The following MTUS2 variants were observed in gnomAD, a reference collection of about 807,000 sequenced individuals.
MTUS2 encodes the protein microtubule associated scaffold protein 2, also known as microtubule-associated tumor suppressor candidate 2.
Under a neutral mutation model 114.1 loss-of-function variants are expected in MTUS2, and 40 were observed. The observed-to-expected ratio is 0.35, with a 90% CI of 0.27 to 0.46. The LOEUF (loss-of-function observed/expected upper bound fraction) is 0.46, where lower values mean the gene tolerates loss of function less well. Ranked by LOEUF, MTUS2 falls within the 20% of genes least tolerant of loss-of-function variation. MTUS2 has a pLI of 1.00. For missense variants in MTUS2, 1,679 were observed against 1,705.4 expected, an observed-to-expected ratio of 0.98 and a Z score of 0.27; for synonymous variants, 688 against 672.0, an observed-to-expected ratio of 1.02 and a Z score of -0.37.
intron 5 of MTUS2, among the ~76,000 whole-genome samples, chr13:29,264,664 C>G (rs2139477571): frequency 6.6e-6 from 1 of 152,362 alleles, no homozygotes; most frequent in Non-Finnish European, 1.5e-5. Context: ...TGGAACCTGC[C>G]AAGGCTTACA....
chr13:28,873,626 A>G (rs919904269), intron 2 of MTUS2, among the ~76,000 whole-genome samples: 1 of 152,210 alleles, frequency 6.6e-6, no homozygotes, highest in Non-Finnish European at 1.5e-5. Flanking sequence ...ACAATAATGC[A>G]ATACAAATGG....
intron 1 of MTUS2, among the ~76,000 whole-genome samples, chr13:28,832,009 C>T (rs746878712): frequency 6.6e-6 from 1 of 151,994 alleles, no homozygotes; most frequent in Non-Finnish European, 1.5e-5. Context: ...GGTGATCTGC[C>T]TGCCTCAGCC....
chr13:28,961,402 T>A (rs1883321973), intron 2 of MTUS2, among the ~76,000 whole-genome samples: 1 of 152,152 alleles, frequency 6.6e-6, no homozygotes, highest in Non-Finnish European at 1.5e-5. Flanking sequence ...ACACCTTATC[T>A]ATAGAGGAAA....
Position 28,965,878 on chromosome 13 carries a change from CT to C in MTUS2, c.-242-58578del, listed in dbSNP as rs370925891. ...GAGCATAATCAGCTTTTCTCAAACTCTACTGATTTGAATGTTAATCACATCT... is the reference window on the plus strand; with the variant it reads ...GAGCATAATCAGCTTTTCTCAAACTCACTGATTTGAATGTTAATCACATCT... On this transcript the variant is annotated intron_variant, in intron 2 of 15. Coordinates refer to ENST00000612955, the MANE Select transcript of MTUS2 (RefSeq NM_001033602.4). Among the ~76,000 whole-genome samples, 554 of 152,264 alleles carry C rather than the reference CT, an allele frequency of 3.6e-3. 2 individuals carry two copies. The highest frequency in any genetic ancestry group is 0.013 in the African/African-American group (533 of 41,546).
At chr13:29,047,512 CTT>C (rs11367692) in intron 4 of MTUS2, among the ~76,000 whole-genome samples, 65 of 135,742 alleles carry the variant, frequency 4.8e-4, no homozygotes, top group Middle Eastern at 3.9e-3. Flanking sequence ...AAAATTTACT[CTT>C]TTTTTTTTTT....
intron 2 of MTUS2, among the ~76,000 whole-genome samples, chr13:28,902,292 T>C (rs534407072): frequency 6.6e-6 from 1 of 152,284 alleles, no homozygotes; most frequent in South Asian, 2.1e-4. Context: ...ATTTTTTGCT[T>C]TCTAATCCAA....
At chr13:29,321,468 T>C (rs1468884500) in intron 6 of MTUS2, among the ~76,000 whole-genome samples, 1 of 152,208 alleles carries the variant, frequency 6.6e-6, no homozygotes, top group Non-Finnish European at 1.5e-5. Flanking sequence ...ATCTCTGTAA[T>C]TATCTGTGCT....
chr13:29,080,105 ATAC>A lies in MTUS2; in HGVS notation c.2447-20666_2447-20664del, dbSNP rs1393331309. ...ATATAGTTTTCAGAGTAAAAGATTT[ATAC>A]TTCTTTTGTTAAATTTATACCTGTT... On this transcript the variant is annotated intron_variant, in intron 4 of 15. Transcript: ENST00000612955. 1.2e-4 allele frequency among the ~76,000 whole-genome samples: 19 copies of A among 152,300 alleles called. No individual in the cohort carries two copies. The South Asian group carries it at 3.7e-3, about 30-fold the overall frequency.
At chr13:29,057,960 C>G (rs1404052364) in intron 4 of MTUS2, among the ~76,000 whole-genome samples, 1 of 151,940 alleles carries the variant, frequency 6.6e-6, no homozygotes, top group African/African-American at 2.4e-5. Context: ...ATGTAGCACT[C>G]CCTTAAGGAC....
intron 5 of MTUS2, among the ~76,000 whole-genome samples, chr13:29,214,325 T>C (rs1895588923): frequency 6.6e-6 from 1 of 152,216 alleles, no homozygotes; most frequent in Non-Finnish European, 1.5e-5. Flanking sequence ...TGCCCCAGTC[T>C]CTGTCTTTTA....
intron 8 of MTUS2, among the ~76,000 whole-genome samples, chr13:29,382,837 A>G (rs1872319112): frequency 6.6e-6 from 1 of 152,190 alleles, no homozygotes; most frequent in Non-Finnish European, 1.5e-5. Flanking sequence ...GTGTGTGATT[A>G]ATTACCAAAG....
chr13:29,227,352 G>T (rs993476878), intron 5 of MTUS2, among the ~76,000 whole-genome samples: 1 of 151,636 alleles, frequency 6.6e-6, no homozygotes, highest in African/African-American at 2.4e-5. Context: ...AGAGAGGTTT[G>T]CCCCTCTTTG....
At chr13:29,094,316 A>T (rs952311110) in intron 4 of MTUS2, among the ~76,000 whole-genome samples, 22 of 148,476 alleles carry the variant, frequency 1.5e-4, no homozygotes, top group Admixed American at 1.0e-3. Flanking sequence ...CACTAATGAC[A>T]TCTGTGCCTG....
At chr13:29,444,830 A>G (rs1878159387) in intron 9 of MTUS2, among the ~76,000 whole-genome samples, 1 of 152,248 alleles carries the variant, frequency 6.6e-6, no homozygotes, top group Non-Finnish European at 1.5e-5. Flanking sequence ...TTTGGAAATT[A>G]TACAGAGGCT....
chr13:29,414,577 C>G (rs1328649062), intron 8 of MTUS2, among the ~76,000 whole-genome samples: 3 of 150,006 alleles, frequency 2.0e-5, no homozygotes, highest in African/African-American at 7.3e-5. Flanking sequence ...GAAATTTGCT[C>G]TATTTAAACT....
chr13:29,080,485 T>A (rs2475525), intron 4 of MTUS2, among the ~76,000 whole-genome samples: 5 of 152,016 alleles, frequency 3.3e-5, no homozygotes, highest in South Asian at 4.2e-4. Flanking sequence ...CACAATAGGC[T>A]GTCTGCAAGC....
chr13:29,203,577 A>C (rs35297208), intron 5 of MTUS2, among the ~76,000 whole-genome samples: 22,098 of 150,694 alleles, frequency 0.15, 1,827 homozygotes, highest in East Asian at 0.3. Flanking sequence ...AAAAAAAAAA[A>C]AAACTCCTGC....
Position 29,025,992 on chromosome 13 carries a change from C to G in MTUS2, c.1294C>G (p.Pro432Ala), listed in dbSNP as rs774769757. 8.7e-6 allele frequency: 14 copies of G among 1,613,882 alleles called. No individual in the cohort carries two copies. In the Admixed American group the frequency reaches 1.3e-4, roughly 15 times the overall value. The change falls in exon 3 of 16, where the codon CCA becomes GCA. Residue 432 changes from proline (P) to alanine (A), a missense_variant. Around this residue, in one of 3 missense-constraint regions of MTUS2, gnomAD observed 843 missense variants for 770.8 expected, o/e 1.09. Transcript: ENST00000612955. ...TGAAAGGACATCCAGCAGCTTTTCA[C>G]CAGGTGACAGTCATGTGGCTTTTAT... is the stretch of plus-strand genomic sequence containing the variant. ...LGERTSSSFS[P>A]GDSHVAFIPN...
chr13:29,063,453 C>G (rs576231329), intron 4 of MTUS2, among the ~76,000 whole-genome samples: 8 of 152,264 alleles, frequency 5.3e-5, no homozygotes, highest in Admixed American at 2.6e-4. Flanking sequence ...GAGAGTACTG[C>G]ATTCTATAAA....
Sources: gnomAD v4.1 joint callset for allele counts (sites outside exome capture counted in the v4.1 genomes callset) on GRCh38, gnomAD v4.1.1 for gene constraint, gnomAD v4.1.1 regional missense constraint, MANE v1.5 for transcripts, NCBI Gene and HGNC (gene_info 2026-07-23, HGNC 2026-07-21) for gene names.